The following GRAMD4 variants were observed in gnomAD, a reference collection of about 807,000 sequenced individuals.
The protein encoded by GRAMD4 is GRAM domain containing 4.
GRAMD4 carries 25 observed loss-of-function variants against 83.9 expected under a neutral mutation model. The observed-to-expected ratio is 0.30, with a 90% CI of 0.22 to 0.42. The LOEUF (loss-of-function observed/expected upper bound fraction) is 0.42. Among genes scored for constraint, GRAMD4 ranks in the 10% least tolerant of loss-of-function variants. The probability of loss-of-function intolerance (pLI) is 1.00; values close to 1 mark genes in which losing one functional copy is unlikely to be tolerated. For missense variants in GRAMD4, 593 were observed against 788.7 expected (o/e 0.75, Z 2.97); for synonymous variants, 336 against 320.9 (o/e 1.05, Z -0.50).
In GRAMD4 at chr22:46,622,905, C is replaced by A. The variant is rs2081597505; in HGVS notation, c.-50+2340C>A. Among the ~76,000 whole-genome samples the A allele has an allele frequency of 7.0e-6, 1 of 141,922 alleles. No individual in the cohort carries two copies. The highest frequency in any genetic ancestry group is 2.3e-4 in the South Asian group (1 of 4,422). The allele number at this position is 141,922 out of a possible 152,430, so 93.1% of individuals were successfully genotyped here. On this transcript the variant is annotated intron_variant, in intron 1 of 18. Coordinates refer to ENST00000406902, the MANE Select transcript of GRAMD4 (RefSeq NM_015124.5). The surrounding 1 kb of genome is among the most constrained non-coding windows in gnomAD (Gnocchi z 4.0). ...CCAGCCTGGGCGACAGAGCAAGACT[C>A]CATCTCTAAAAAAAAAAAAAAAAAA...
intron 1 of GRAMD4, among the ~76,000 whole-genome samples, chr22:46,590,523 A>G (rs1242097080): frequency 1.3e-5 from 2 of 152,150 alleles, no homozygotes; most frequent in Non-Finnish European, 2.9e-5. Flanking sequence ...TGCTGCCGTT[A>G]ACACCCAGTC....
downstream of GRAMD4, among the ~76,000 whole-genome samples, chr22:46,681,429 G>T (rs2082670789): frequency 6.6e-6 from 1 of 152,256 alleles, no homozygotes; most frequent in Non-Finnish European, 1.5e-5. Context: ...CTATTTCAGT[G>T]CAGCTGGTTT....
At chr22:46,603,383 G>A (rs1241660736) in intron 1 of GRAMD4, among the ~76,000 whole-genome samples, 1 of 148,962 alleles carries the variant, frequency 6.7e-6, no homozygotes, top group Non-Finnish European at 1.5e-5. Context: ...AATTTTTTTG[G>A]TATTTTTAGT....
At chr22:46,612,313 A>T (rs1240957716) in intron 1 of GRAMD4, among the ~76,000 whole-genome samples, 1 of 152,062 alleles carries the variant, frequency 6.6e-6, no homozygotes, top group African/African-American at 2.4e-5. Context: ...GGCCGATGGT[A>T]CTGTTGTTAT....
intron 2 of GRAMD4, among the ~76,000 whole-genome samples, chr22:46,632,549 G>T (rs918958583): frequency 2.0e-5 from 3 of 152,180 alleles, no homozygotes; most frequent in African/African-American, 7.2e-5. Context: ...TCCAGCTCAG[G>T]GTGGCTCCTC....
chr22:46,648,666 G>A (rs2082108121), intron 3 of GRAMD4, among the ~76,000 whole-genome samples: 1 of 151,222 alleles, frequency 6.6e-6, no homozygotes, highest in Non-Finnish European at 1.5e-5. Flanking sequence ...GGTAGATTTG[G>A]TAATGGGTGG....
chr22:46,584,411 T>C (rs1414409162), intron 1 of GRAMD4, among the ~76,000 whole-genome samples: 2 of 152,082 alleles, frequency 1.3e-5, no homozygotes, highest in African/African-American at 2.4e-5. Context: ...TGTACCTGTA[T>C]TGAGCAAAGT....
rs1390862322 is a variant in GRAMD4, at chr22:46,621,561, G to A, written c.-50+996G>A. 2.1e-5 allele frequency among the ~76,000 whole-genome samples: 2 copies of A among 97,514 alleles called. 1 individual carries two copies. Among genetic ancestry groups the A allele is most frequent in the Non-Finnish European group, 4.2e-5 (2 of 47,982 alleles). The allele number at this position is 97,514 out of a possible 152,430, so 64.0% of individuals were successfully genotyped here. On this transcript the variant is annotated intron_variant, in intron 1 of 18. Transcript: ENST00000406902. This position sits in a 1 kb window ranked among gnomAD's most constrained non-coding sequence, Gnocchi z 5.8. ...CAGGCGCAGGCTGGAGGCGTAGCCC[G>A]GGCCCATCCCTGGCGGTGTGTCGCG...
At chr22:46,595,097 C>T (rs933787785) in intron 1 of GRAMD4, among the ~76,000 whole-genome samples, 2 of 152,110 alleles carry the variant, frequency 1.3e-5, no homozygotes, top group Non-Finnish European at 2.9e-5. Context: ...CATCCCAGCC[C>T]CACATGCGGC....
intron 3 of GRAMD4, among the ~76,000 whole-genome samples, chr22:46,643,138 T>TC (rs2082005255): frequency 5.6e-5 from 3 of 53,614 alleles, no homozygotes; most frequent in African/African-American, 1.7e-4. Context: ...CATCCATGCA[T>TC]CCTTCCATCC....
At chr22:46,623,563 C>T (rs531279858) in intron 1 of GRAMD4, among the ~76,000 whole-genome samples, 167 of 151,196 alleles carry the variant, frequency 1.1e-3, no homozygotes, top group African/African-American at 4.0e-3. Context: ...GCCTGGCTGA[C>T]TTTTTTGTAT....
intron 1 of GRAMD4, among the ~76,000 whole-genome samples, chr22:46,614,965 GTGTAGGTTCCCTTGTGCA>G (rs1387462122): frequency 1.4e-5 from 2 of 147,810 alleles, no homozygotes; most frequent in African/African-American, 5.1e-5. Flanking sequence ...GTTCCCCCGT[GTGTAGGTTCCCTTGTGCA>G]TGTAGGTTCC....
chr22:46,666,269 G>C (rs2082407513), intron 9 of GRAMD4, among the ~76,000 whole-genome samples: 1 of 152,200 alleles, frequency 6.6e-6, no homozygotes, highest in African/African-American at 2.4e-5. Context: ...TGGACCCCTA[G>C]TCCCTGCACT....
intron 1 of GRAMD4, among the ~76,000 whole-genome samples, chr22:46,596,467 C>T (rs1318964714): frequency 1.3e-5 from 2 of 152,214 alleles, no homozygotes; most frequent in Non-Finnish European, 2.9e-5. Context: ...TGGCAAGGGG[C>T]TCGAATGGCC....
chr22:46,610,956 T>A (rs2081410967), intron 1 of GRAMD4, among the ~76,000 whole-genome samples: 1 of 152,190 alleles, frequency 6.6e-6, no homozygotes, highest in African/African-American at 2.4e-5. Context: ...GGCTCATGCC[T>A]GTAATCCCAG....
rs373305258 is a variant in GRAMD4 at position 46,648,076 on chromosome 22, A to C, written c.284-10111A>C. Among the ~76,000 whole-genome samples, 28 of 152,332 alleles carry C rather than the reference A, an allele frequency of 1.8e-4. No homozygotes were observed. In the East Asian group the frequency reaches 5.0e-3, roughly 27 times the overall value. ...ACTTTATGTGTGTCTATATGGATGG[A>C]TGGATGGCTGTGGGTAAGTGGATAG... is the stretch of plus-strand genomic sequence containing the variant. On this transcript the variant is annotated intron_variant, in intron 3 of 18. Coordinates refer to ENST00000406902, the MANE Select transcript of GRAMD4 (RefSeq NM_015124.5).
At position 46,662,507 on chromosome 22, in the gene GRAMD4, C is replaced by G. The variant is rs185397362; in HGVS notation, c.467-533C>G. 1.2e-4 allele frequency among the ~76,000 whole-genome samples: 18 copies of G among 152,368 alleles called. 1 individual carries two copies. In the East Asian group the frequency reaches 3.3e-3, roughly 28 times the overall value. Reference sequence around the variant, plus strand: ...TGGTAAACATTGCTGGTCATCAGCACGACAACACCGTGCGCTCACCCTGGG... The same window carrying G: ...TGGTAAACATTGCTGGTCATCAGCAGGACAACACCGTGCGCTCACCCTGGG... On this transcript the variant is annotated intron_variant, in intron 5 of 18. Transcript: ENST00000406902.
rs140011373 is a variant in GRAMD4 at position 46,581,516 on chromosome 22, G to A, written c.-50+4226G>A. On this transcript the variant is annotated intron_variant, in intron 1 of 1. Transcript: ENST00000431155. ...TGCCTTCCTGATAACCCTCCTCTAAGGGGGGTTTTGTGAGAGAAATATCAG... is the reference window on the plus strand; with the variant it reads ...TGCCTTCCTGATAACCCTCCTCTAAAGGGGGTTTTGTGAGAGAAATATCAG... Among the ~76,000 whole-genome samples the A allele has an allele frequency of 4.6e-3, 698 of 152,362 alleles. 2 individuals are homozygous for A. The highest frequency in any genetic ancestry group is 0.014 in the African/African-American group (589 of 41,586).
chr22:46,643,076 TATCCATTTATCCATCC>T (rs2081998859), intron 3 of GRAMD4, among the ~76,000 whole-genome samples: 1 of 98,934 alleles, frequency 1.0e-5, no homozygotes, highest in Non-Finnish European at 2.1e-5. Flanking sequence ...TCCATCCATC[TATCCATTTATCCATCC>T]ATCCATCCAT....
Sources: allele counts gnomAD v4.1 joint callset (sites outside exome capture counted in the v4.1 genomes callset), GRCh38; gene constraint gnomAD v4.1.1; non-coding constraint Gnocchi (gnomAD v3.1); transcripts MANE v1.5; gene names NCBI Gene and HGNC (gene_info 2026-07-23, HGNC 2026-07-21).